CRPPA: variants seen among roughly 807,000 people sequenced by gnomAD.
The protein encoded by CRPPA is CDP-L-ribitol pyrophosphorylase A, also known as D-ribitol-5-phosphate cytidylyltransferase.
In CRPPA, 43 loss-of-function variants were observed where a neutral mutation model predicts 52.0. That is an observed-to-expected ratio of 0.83 (90% CI 0.65 to 1.07). The LOEUF (loss-of-function observed/expected upper bound fraction) is 1.07. CRPPA is among the 50% of genes least tolerant of loss of function. The probability of loss-of-function intolerance (pLI) is 0.00; values close to 1 mark genes in which losing one functional copy is unlikely to be tolerated. For missense variants in CRPPA, 629 were observed against 551.7 expected (o/e 1.14, Z -1.40); for synonymous variants, 250 against 203.5 (o/e 1.23, Z -1.94).
At chr7:16,303,986 A>G (rs1784850073) in intron 4 of CRPPA, among the ~76,000 whole-genome samples, 1 of 152,222 alleles carries the variant, frequency 6.6e-6, no homozygotes, top group Admixed American at 6.5e-5. Flanking sequence ...CTGGTTATCA[A>G]TCTTGTATGG....
chr7:16,191,892 T>C (rs1781621630), intron 9 of CRPPA, among the ~76,000 whole-genome samples: 1 of 152,284 alleles, frequency 6.6e-6, no homozygotes, highest in Non-Finnish European at 1.5e-5. Flanking sequence ...ATTTTTACTC[T>C]GTCTCCCACT....
chr7:16,265,845 A>G (rs1309243742), intron 6 of CRPPA, among the ~76,000 whole-genome samples: 1 of 152,208 alleles, frequency 6.6e-6, no homozygotes, highest in Non-Finnish European at 1.5e-5. Context: ...TCCTCATGTT[A>G]TAGATAATGC....
chr7:16,136,217 C>T (rs887199579), intron 9 of CRPPA, among the ~76,000 whole-genome samples: 2 of 152,154 alleles, frequency 1.3e-5, no homozygotes, highest in Admixed American at 6.5e-5. Context: ...ACATCTTTTA[C>T]TACAAATTGG....
At chr7:16,127,072 T>C (rs1782594653) in intron 9 of CRPPA, among the ~76,000 whole-genome samples, 1 of 152,312 alleles carries the variant, frequency 6.6e-6, no homozygotes, top group South Asian at 2.1e-4. Context: ...GAAGTATGTA[T>C]ACTAGGCTTT....
At chr7:16,395,833 C>T (rs1221479756) in intron 2 of CRPPA, among the ~76,000 whole-genome samples, 2 of 152,194 alleles carry the variant, frequency 1.3e-5, no homozygotes, top group Non-Finnish European at 2.9e-5. Context: ...CTACCCTTTT[C>T]CCAACTTCCT....
intron 9 of CRPPA, among the ~76,000 whole-genome samples, chr7:16,199,664 TA>T (rs5882560): frequency 0.74 from 111,711 of 151,202 alleles, 41,299 homozygotes; most frequent in Admixed American, 0.8. Flanking sequence ...TAAGTTCACT[TA>T]AAAAAAAAAT....
intron 2 of CRPPA, among the ~76,000 whole-genome samples, chr7:16,376,882 T>A (rs1786902392): frequency 6.6e-6 from 1 of 152,198 alleles, no homozygotes; most frequent in Admixed American, 6.5e-5. Flanking sequence ...TCTGACAATT[T>A]TTCCCTTTAT....
At chr7:16,276,933 G>A (rs1784215235) in intron 6 of CRPPA, 1 of 152,144 alleles carries the variant, frequency 6.6e-6, no homozygotes, top group Non-Finnish European at 1.5e-5. Context: ...CATGTATCCA[G>A]TACAGCACTG....
intron 5 of CRPPA, among the ~76,000 whole-genome samples, chr7:16,286,062 T>TAAAATTTAAA (rs1562608493): frequency 3.1e-5 from 1 of 32,370 alleles, no homozygotes; most frequent in African/African-American, 2.0e-4. Context: ...TATATATATA[T>TAAAATTTAAA]ATATATATAT....
chr7:16,170,540 G>C (rs919677389), intron 9 of CRPPA, among the ~76,000 whole-genome samples: 1 of 152,222 alleles, frequency 6.6e-6, no homozygotes, highest in African/African-American at 2.4e-5. Context: ...GTGAGCAGCA[G>C]CAAGATTTAT....
At chr7:16,111,545 T>A (rs1368992702) in intron 9 of CRPPA, among the ~76,000 whole-genome samples, 1 of 152,206 alleles carries the variant, frequency 6.6e-6, no homozygotes, top group African/African-American at 2.4e-5. Flanking sequence ...AACAGATTTA[T>A]TGTTTAAGAA....
intron 3 of CRPPA, among the ~76,000 whole-genome samples, chr7:16,342,403 T>C (rs1468870862): frequency 2.0e-5 from 3 of 152,116 alleles, no homozygotes; most frequent in Non-Finnish European, 2.9e-5. Context: ...ATTATTCTAA[T>C]GATAATTAAA....
intron 3 of CRPPA, among the ~76,000 whole-genome samples, chr7:16,355,744 A>C (rs184123902): frequency 1.1e-3 from 171 of 152,318 alleles, no homozygotes; most frequent in African/African-American, 3.9e-3. Flanking sequence ...ACACTGACTG[A>C]TAGAACAGGC....
chr7:16,413,253 G>A (rs1341672677), intron 1 of CRPPA, among the ~76,000 whole-genome samples: 4 of 152,128 alleles, frequency 2.6e-5, no homozygotes, highest in Non-Finnish European at 4.4e-5. Flanking sequence ...TTCCTACTAT[G>A]GCCCATGAAG....
chr7:16,128,978 T>A (rs1441724818), intron 9 of CRPPA, among the ~76,000 whole-genome samples: 1 of 152,192 alleles, frequency 6.6e-6, no homozygotes, highest in Non-Finnish European at 1.5e-5. Context: ...AAACAAGAAA[T>A]GTTGGTATGT....
At chr7:16,290,945 T>A (rs149496846) in intron 5 of CRPPA, among the ~76,000 whole-genome samples, 2 of 151,656 alleles carry the variant, frequency 1.3e-5, no homozygotes, top group East Asian at 3.9e-4. Context: ...AAACAAGTAA[T>A]CCCATTAATA....
intron 9 of CRPPA, among the ~76,000 whole-genome samples, chr7:16,211,204 A>C (rs1782126526): frequency 6.6e-6 from 1 of 152,240 alleles, no homozygotes; most frequent in African/African-American, 2.4e-5. Flanking sequence ...TTCTCTAATG[A>C]GTCTGCCAAG....
chr7:16,357,522 G>A lies in CRPPA; in HGVS notation c.684+18570C>T, dbSNP rs534074743. The stretch of plus-strand genomic sequence containing the variant: ...TAGATGTGTGCAGCCGCCCTCCTCT[G>A]TGGCTCCACTATTCTAGGATATCCC... On this transcript the variant is annotated intron_variant, in intron 3 of 9. Transcript: ENST00000407010. Among the ~76,000 whole-genome samples, 6 of 152,186 alleles carry A rather than the reference G, an allele frequency of 3.9e-5. No homozygotes were observed. In the East Asian group the frequency reaches 5.8e-4, roughly 15 times the overall value.
At chr7:16,192,599 C>A (rs894277884) in intron 9 of CRPPA, among the ~76,000 whole-genome samples, 2 of 152,084 alleles carry the variant, frequency 1.3e-5, no homozygotes, top group South Asian at 4.1e-4. Context: ...TTTGCCTGTT[C>A]TAGAACTTCA....
Sources: gnomAD v4.1 joint callset for allele counts (sites outside exome capture counted in the v4.1 genomes callset) on GRCh38, gnomAD v4.1.1 for gene constraint, MANE v1.5 for transcripts, NCBI Gene and HGNC (gene_info 2026-07-23, HGNC 2026-07-21) for gene names.